ERP29: variants seen among roughly 807,000 people sequenced by gnomAD.
The protein encoded by ERP29 is endoplasmic reticulum resident protein 29.
Under a neutral mutation model 21.7 loss-of-function variants are expected in ERP29, and 14 were observed. That is an observed-to-expected ratio of 0.64 (90% CI 0.43 to 1.01). The LOEUF (loss-of-function observed/expected upper bound fraction) is 1.01. ERP29 is among the 50% of genes least tolerant of loss of function. The pLI is 0.00. For missense variants in ERP29, 286 were observed against 327.3 expected, an observed-to-expected ratio of 0.87 and a Z score of 0.97; for synonymous variants, 129 against 139.1, an observed-to-expected ratio of 0.93 and a Z score of 0.51.
intron 1 of ERP29, 162 bp from the exon 2 acceptor site, chr12:112,019,594 T>C (rs2078032509): frequency 6.2e-6 from 5 of 802,760 alleles, no homozygotes; most frequent in South Asian, 1.5e-5. Context: ...CACTAAATTG[T>C]TAAATGAGTC....
At chr12:112,013,700 A>G in intron 1 of ERP29, 91 bp downstream of exon 1, 3 of 1,368,634 alleles carry the variant, frequency 2.2e-6, no homozygotes, top group Non-Finnish European at 2.9e-6. Context: ...CCGGGAGCTG[A>G]CGGGAGGTGG....
At chr12:112,019,644 C>T (rs1593726750) in intron 1 of ERP29, 112 bp from the exon 2 acceptor site, 1 of 1,246,044 alleles carries the variant, frequency 8.0e-7, no homozygotes, top group African/African-American at 1.5e-5. Context: ...GAGAGCTTGC[C>T]TCCCTTGTGG....
chr12:112,013,858 A>G (rs1250930125), intron 1 of ERP29, among the ~76,000 whole-genome samples: 1 of 152,242 alleles, frequency 6.6e-6, no homozygotes, highest in African/African-American at 2.4e-5. Flanking sequence ...ACCCTTGCAA[A>G]GATGCAGCCG....
At chr12:112,014,100 A>G (rs1430404853) in intron 1 of ERP29, among the ~76,000 whole-genome samples, 1 of 152,088 alleles carries the variant, frequency 6.6e-6, no homozygotes, top group Non-Finnish European at 1.5e-5. Flanking sequence ...GTGTGCAAAC[A>G]ATGATCAGAT....
rs755687922 is a variant in ERP29 at position 112,013,513 on chromosome 12, C to G, written c.48C>G (p.Pro16=). The G allele has an allele frequency of 1.9e-6, 3 of 1,612,506 alleles. No homozygotes were observed. The Admixed American group carries it at 5.0e-5, about 27-fold the overall frequency. Residue 16 remains proline (P), a synonymous_variant, in exon 1 of 3, where the codon CCC becomes CCG. Coordinates refer to ENST00000261735, the MANE Select transcript of ERP29 (RefSeq NM_006817.4). The stretch of plus-strand genomic sequence containing the variant: ...CCGCATTTCTCTCCCCGCTGCTTCC[C>G]CTTCTCCTGGGCTTCCTGCTCCTCT... ...PRAAFLSPLL[P]LLLGFLLLSA...
rs866051165 is a variant in ERP29, at chr12:112,022,478, G to T, written c.612G>T (p.Lys204Asn). Reference sequence around the variant, plus strand: ...AGAAGTGGGCCGAGCAATACCTGAAGATCATGGGGAAGATCTTAGACCAAG... The same window carrying T: ...AGAAGTGGGCCGAGCAATACCTGAATATCATGGGGAAGATCTTAGACCAAG... Reference protein sequence around the residue: ...TQKKWAEQYLKIMGKILDQGE... With the variant: ...TQKKWAEQYLNIMGKILDQGE... The change falls in exon 3 of 3, where the codon AAG becomes AAT. Residue 204 changes from lysine (K) to asparagine (N), a missense_variant. Coordinates refer to ENST00000261735, the MANE Select transcript of ERP29 (RefSeq NM_006817.4). The T allele has an allele frequency of 6.2e-7, 1 of 1,614,210 alleles. No individual in the cohort carries two copies. The highest frequency in any genetic ancestry group is 8.5e-7 in the Non-Finnish European group (1 of 1,180,032).
At position 112,023,411 on chromosome 12, in the gene ERP29, A is replaced by G. The variant is rs945207962; in HGVS notation, c.*759A>G. ...AAATCACTATCACTAAATAAATACT[A>G]ACTTCTAGAAAGCAGAATAAAGAGC... On this transcript the variant is annotated 3_prime_UTR_variant, in exon 3 of 3. Transcript: ENST00000261735. 1 of 152,236 alleles carries G rather than the reference A, an allele frequency of 6.6e-6. No individual in the cohort carries two copies. Among genetic ancestry groups the G allele is most frequent in the Non-Finnish European group, 1.5e-5 (1 of 68,042 alleles). 9.4% of individuals were successfully genotyped at this position (152,236 alleles called of 1,614,324 possible).
At chr12:112,016,213 C>T (rs761805030) in intron 1 of ERP29, among the ~76,000 whole-genome samples, 3 of 152,222 alleles carry the variant, frequency 2.0e-5, no homozygotes, top group Non-Finnish European at 2.9e-5. Context: ...TATTTTGTTG[C>T]GTGAATGAAC....
At chr12:112,015,553 A>C (rs2078006675) in intron 1 of ERP29, among the ~76,000 whole-genome samples, 1 of 151,800 alleles carries the variant, frequency 6.6e-6, no homozygotes, top group African/African-American at 2.4e-5. Flanking sequence ...CACACCCTAC[A>C]GCACCCTATG....
At chr12:112,015,430 G>GT (rs1168693053) in intron 1 of ERP29, 1 of 151,952 alleles carries the variant, frequency 6.6e-6, no homozygotes, top group African/African-American at 2.4e-5. Flanking sequence ...GGAGGTTGCA[G>GT]TAAGCCGTCA....
chr12:112,020,344 C>T (rs1297069275), intron 2 of ERP29, among the ~76,000 whole-genome samples: 1 of 152,208 alleles, frequency 6.6e-6, no homozygotes, highest in East Asian at 1.9e-4. Context: ...CACCTCCCAA[C>T]CACAGCGACA....
chr12:112,018,083 T>C (rs2078024157), intron 1 of ERP29, among the ~76,000 whole-genome samples: 1 of 151,838 alleles, frequency 6.6e-6, no homozygotes, highest in African/African-American at 2.4e-5. Context: ...CTGTGCCCAG[T>C]CCAGAACATT....
chr12:112,022,391 G>A lies in ERP29; in HGVS notation c.525G>A (p.Glu175=). Residue 175 remains glutamate (E), a synonymous_variant, in exon 3 of 3, where the codon GAG becomes GAA. Coordinates refer to ENST00000261735, the MANE Select transcript of ERP29 (RefSeq NM_006817.4). Reference sequence around the variant, plus strand: ...AGTTCATCAGGGCCTCTGGTGTGGAGGCCCGCCAGGCCCTCTTGAAGCAGG... The same window carrying A: ...AGTTCATCAGGGCCTCTGGTGTGGAAGCCCGCCAGGCCCTCTTGAAGCAGG... The part of the protein sequence containing the change: ...AGEFIRASGV[E]ARQALLKQGQ... 6.2e-7 allele frequency: 1 copy of A among 1,614,182 alleles called. No individual in the cohort carries two copies. The highest frequency in any genetic ancestry group is 8.5e-7 in the Non-Finnish European group (1 of 1,180,040).
intron 1 of ERP29, among the ~76,000 whole-genome samples, chr12:112,017,988 T>C (rs2078023761): frequency 6.6e-6 from 1 of 152,064 alleles, no homozygotes; most frequent in African/African-American, 2.4e-5. Context: ...TTTCACCACG[T>C]TGGCCAGGCT....
chr12:112,020,485 A>G (rs2078039192), intron 2 of ERP29, among the ~76,000 whole-genome samples: 1 of 152,180 alleles, frequency 6.6e-6, no homozygotes, highest in Non-Finnish European at 1.5e-5. Context: ...CAGGAAAAAA[A>G]AAACTGAAGC....
chr12:112,013,655 C>T lies in ERP29; in HGVS notation c.144+46C>T, dbSNP rs1378220647. 1.1e-5 allele frequency: 17 copies of T among 1,490,622 alleles called. No individual in the cohort carries two copies. In the South Asian group the frequency reaches 1.8e-4, roughly 16 times the overall value. 92.3% of individuals were successfully genotyped at this position (1,490,622 alleles called of 1,614,324 possible). ...CGCGCGCAGGTGCCGCCGGGGCGCC[C>T]GGAAGAGCGCGCGCCCGTGGGGAGA... On this transcript the variant is annotated intron_variant, in intron 1 of 2. Coordinates refer to ENST00000261735, the MANE Select transcript of ERP29 (RefSeq NM_006817.4).
intron 2 of ERP29, among the ~76,000 whole-genome samples, chr12:112,021,777 C>T (rs1273824027): frequency 1.3e-5 from 2 of 152,042 alleles, no homozygotes; most frequent in Non-Finnish European, 2.9e-5. Context: ...CTGTCCGCCT[C>T]GGCCTCCCAA....
At chr12:112,017,191 T>G (rs1171450342) in intron 1 of ERP29, among the ~76,000 whole-genome samples, 1 of 152,220 alleles carries the variant, frequency 6.6e-6, no homozygotes, top group Non-Finnish European at 1.5e-5. Flanking sequence ...TCAGATATTT[T>G]CAGAACATCT....
At chr12:112,016,645 C>G (rs1481976049) in intron 1 of ERP29, among the ~76,000 whole-genome samples, 1 of 152,202 alleles carries the variant, frequency 6.6e-6, no homozygotes, top group African/African-American at 2.4e-5. Context: ...TAACAGACCA[C>G]TTCGGGAGGC....
Sources: allele counts gnomAD v4.1 joint callset (sites outside exome capture counted in the v4.1 genomes callset), GRCh38; gene constraint gnomAD v4.1.1; transcripts MANE v1.5; gene names NCBI Gene and HGNC (gene_info 2026-07-23, HGNC 2026-07-21).